TBX4: variants seen among roughly 807,000 people sequenced by gnomAD.
TBX4 encodes T-box transcription factor TBX4.
Under a neutral mutation model 54.6 loss-of-function variants are expected in TBX4, and 13 were observed. That is an observed-to-expected ratio of 0.24 (90% CI 0.15 to 0.38). The LOEUF (loss-of-function observed/expected upper bound fraction) is 0.38, where lower values mean the gene tolerates loss of function less well. Ranked by LOEUF, TBX4 falls within the 10% of genes least tolerant of loss-of-function variation. TBX4 has a pLI of 1.00. For synonymous variants in TBX4, 314 were observed against 306.7 expected, an observed-to-expected ratio of 1.02 and a Z score of -0.25; for missense variants, 631 against 728.5, an observed-to-expected ratio of 0.87 and a Z score of 1.54.
Position 61,457,188 on chromosome 17 carries a change from G to A in TBX4, c.187-349G>A. Among the ~76,000 whole-genome samples, 1 of 152,148 alleles carries A rather than the reference G, an allele frequency of 6.6e-6. No homozygotes were observed. The highest frequency in any genetic ancestry group is 1.9e-4 in the East Asian group (1 of 5,144). ...ATCTGCAGGCGCGCGCCTGGCCGAG[G>A]GTGCGTGCGCCTCTCCCTGTCTGTG... On this transcript the variant is annotated intron_variant, in intron 2 of 8. Coordinates refer to ENST00000644296, the MANE Select transcript of TBX4 (RefSeq NM_001321120.2). This position sits in a 1 kb window ranked among gnomAD's most constrained non-coding sequence, Gnocchi z 8.2.
chr17:61,470,410 A>G (rs2060568483), intron 5 of TBX4, among the ~76,000 whole-genome samples: 1 of 152,192 alleles, frequency 6.6e-6, no homozygotes, highest in Admixed American at 6.5e-5. Flanking sequence ...CTTAGATTGA[A>G]GTCTTGGGCC....
In TBX4 at chr17:61,480,082, C is replaced by A. The variant is rs369558337; in HGVS notation, c.792-8C>A. ...CTGTCTCTCCTCCTGTCCTCCCCAC[C>A]CCTTCAGCAAAGAATACCCCGTGAT... On this transcript the variant is annotated splice_region_variant and splice_polypyrimidine_tract_variant and intron_variant, in intron 7 of 8. Transcript: ENST00000644296. This position sits in a 1 kb window ranked among gnomAD's most constrained non-coding sequence, Gnocchi z 6.2. 325 of 1,613,572 alleles carry A rather than the reference C, an allele frequency of 2.0e-4. 2 individuals carry two copies. The Middle Eastern group carries it at 0.01, about 51-fold the overall frequency.
At chr17:61,468,332 A>G (rs913667470) in intron 5 of TBX4, among the ~76,000 whole-genome samples, 1 of 152,206 alleles carries the variant, frequency 6.6e-6, no homozygotes, top group African/African-American at 2.4e-5. Flanking sequence ...AAAGTCCACA[A>G]AAAAGAGATT....
rs1397854314 is a variant in TBX4 at position 61,474,291 on chromosome 17, C to T, written c.550-4336C>T. 6.6e-6 allele frequency among the ~76,000 whole-genome samples: 1 copy of T among 152,162 alleles called. No homozygotes were observed. Among genetic ancestry groups the T allele is most frequent in the African/African-American group, 2.4e-5 (1 of 41,448 alleles). ...AGGGCCTGCTGACCCAAGTCCCTTA[C>T]AGTGTTTAATTGGCACCTTCTCATT... On this transcript the variant is annotated intron_variant, in intron 5 of 8. Transcript: ENST00000644296. This position sits in a 1 kb window ranked among gnomAD's most constrained non-coding sequence, Gnocchi z 4.6.
At chr17:61,470,635 G>A (rs982759405) in intron 5 of TBX4, among the ~76,000 whole-genome samples, 2 of 152,232 alleles carry the variant, frequency 1.3e-5, no homozygotes, top group African/African-American at 4.8e-5. Flanking sequence ...TCAGACCTGG[G>A]CGTCAGCTCC....
chr17:61,463,617 C>A (rs1467581627), intron 3 of TBX4, among the ~76,000 whole-genome samples: 1 of 152,086 alleles, frequency 6.6e-6, no homozygotes, highest in East Asian at 1.9e-4. Context: ...TCAGCCTAGG[C>A]TATGACGCGT....
At position 61,473,728 on chromosome 17, in the gene TBX4, C is replaced by G. The variant is rs140301163; in HGVS notation, c.550-4899C>G. Among the ~76,000 whole-genome samples, 470 of 152,348 alleles carry G rather than the reference C, an allele frequency of 3.1e-3. 4 individuals carry two copies. The highest frequency in any genetic ancestry group is 0.01 in the African/African-American group (431 of 41,582). The stretch of plus-strand genomic sequence containing the variant: ...TGCCTGCACCTCCCTGACCCTCAGT[C>G]CCTTGCCTGTTAAAATAAGGGCAAT... On this transcript the variant is annotated intron_variant, in intron 5 of 8. Coordinates refer to ENST00000644296, the MANE Select transcript of TBX4 (RefSeq NM_001321120.2).
rs1490717313 is a variant in TBX4 at position 61,452,932 on chromosome 17, A to C, written c.-4+355A>C. On this transcript the variant is annotated intron_variant, in intron 1 of 8. Coordinates refer to ENST00000644296, the MANE Select transcript of TBX4 (RefSeq NM_001321120.2). ...TGGCCTGGAAATTGGTGTTTGCAGA[A>C]TATGCAAGGCCAAGGAAGAGGGCCC... 4 of 985,338 alleles carry C rather than the reference A, an allele frequency of 4.1e-6. No individual in the cohort carries two copies. The African/African-American group carries it at 7.0e-5, about 17-fold the overall frequency. The allele number at this position is 985,338 out of a possible 1,614,324, so 61.0% of individuals were successfully genotyped here.
Position 61,461,744 on chromosome 17 carries a change from T to C in TBX4, c.282-4075T>C, listed in dbSNP as rs527356602. Among the ~76,000 whole-genome samples, 48 of 152,248 alleles carry C rather than the reference T, an allele frequency of 3.2e-4. No homozygotes were observed. The highest frequency in any genetic ancestry group is 1.0e-3 in the African/African-American group (43 of 41,544). ...CCACCGCCCCAGAATCCTTCTTGTG[T>C]GCCTGCCCAGTCAGAGCCATCCCCA... On this transcript the variant is annotated intron_variant, in intron 3 of 8. Transcript: ENST00000644296. This position sits in a 1 kb window ranked among gnomAD's most constrained non-coding sequence, Gnocchi z 5.1.
Position 61,479,205 on chromosome 17 carries a change from G to A in TBX4, c.702+426G>A, listed in dbSNP as rs1189862811. 6.6e-6 allele frequency among the ~76,000 whole-genome samples: 1 copy of A among 152,136 alleles called. No homozygotes were observed. The highest frequency in any genetic ancestry group is 2.4e-5 in the African/African-American group (1 of 41,426). On this transcript the variant is annotated intron_variant, in intron 6 of 8. Transcript: ENST00000644296. This position sits in a 1 kb window ranked among gnomAD's most constrained non-coding sequence, Gnocchi z 6.1. ...GCTGGGGTGTGGAAGCAGAGCCTGAGCGGAGGCCCTTCCCAGGCTGTGATA... is the reference window on the plus strand; with the variant it reads ...GCTGGGGTGTGGAAGCAGAGCCTGAACGGAGGCCCTTCCCAGGCTGTGATA...
At position 61,483,866 on chromosome 17, in the gene TBX4, A is replaced by C; in HGVS notation, c.*350A>C. Reference sequence around the variant, plus strand: ...GAGAGGGTTTTATAATGGTTGATTTACTCAGGGGCCAGGTGGGGAGTTCTC... The same window carrying C: ...GAGAGGGTTTTATAATGGTTGATTTCCTCAGGGGCCAGGTGGGGAGTTCTC... On this transcript the variant is annotated 3_prime_UTR_variant, in exon 9 of 9. Coordinates refer to ENST00000644296, the MANE Select transcript of TBX4 (RefSeq NM_001321120.2). The surrounding 1 kb of genome is among the most constrained non-coding windows in gnomAD (Gnocchi z 6.6). 3.4e-6 allele frequency: 1 copy of C among 290,698 alleles called. No homozygotes were observed. The highest frequency in any genetic ancestry group is 6.7e-6 in the Non-Finnish European group (1 of 149,272). The allele number at this position is 290,698 out of a possible 1,614,324, so 18.0% of individuals were successfully genotyped here.
At chr17:61,469,449 G>A (rs1043731630) in intron 5 of TBX4, among the ~76,000 whole-genome samples, 1 of 152,218 alleles carries the variant, frequency 6.6e-6, no homozygotes, top group Non-Finnish European at 1.5e-5. Flanking sequence ...TTGATGATAG[G>A]GATACTACCC....
At chr17:61,463,425 TG>T (rs1371750935) in intron 3 of TBX4, 1 of 152,300 alleles carries the variant, frequency 6.6e-6, no homozygotes, top group East Asian at 1.9e-4. Context: ...GTCAGGAATC[TG>T]GCCTACGATC....
In TBX4 at chr17:61,460,754, C is replaced by A. The variant is rs981409236; in HGVS notation, c.281+3123C>A. ...CACAAAAAAATTTAAATATAAACCT[C>A]CCCAAAATGAAAATTGCCTAACTGT... On this transcript the variant is annotated intron_variant, in intron 3 of 8. Transcript: ENST00000644296. The surrounding 1 kb of genome is among the most constrained non-coding windows in gnomAD (Gnocchi z 4.4). Among the ~76,000 whole-genome samples, 7 of 152,198 alleles carry A rather than the reference C, an allele frequency of 4.6e-5. No homozygotes were observed. Among genetic ancestry groups the A allele is most frequent in the Admixed American group, 4.6e-4 (7 of 15,278 alleles).
intron 4 of TBX4, among the ~76,000 whole-genome samples, chr17:61,466,751 C>A (rs769694169): frequency 1.3e-5 from 2 of 152,210 alleles, no homozygotes; most frequent in African/African-American, 2.4e-5. Context: ...GCTCTGGCTG[C>A]GGGGAGAGCT....
chr17:61,463,095 G>C (rs1198439104), intron 3 of TBX4: 1 of 152,194 alleles, frequency 6.6e-6, no homozygotes, highest in East Asian at 1.9e-4. Context: ...CCTCCTTCTG[G>C]AGCCACCTAG....
At position 61,456,646 on chromosome 17, in the gene TBX4, C is replaced by T. The variant is rs752496226; in HGVS notation, c.156C>T (p.Ala52=). 7.4e-7 allele frequency: 1 copy of T among 1,350,258 alleles called. No homozygotes were observed. Among genetic ancestry groups the T allele is most frequent in the Non-Finnish European group, 9.5e-7 (1 of 1,049,394 alleles). The allele number at this position is 1,350,258 out of a possible 1,614,324, so 83.6% of individuals were successfully genotyped here. The change falls in exon 2 of 9, where the codon GCC becomes GCT. Residue 52 remains alanine, a synonymous_variant. Coordinates refer to ENST00000644296, the MANE Select transcript of TBX4 (RefSeq NM_001321120.2). The part of the protein sequence containing the change: ...AALGSPPGPG[A]DVVAAAAAEQ... ...TAGGCAGCCCCCCGGGACCCGGGGC[C>T]GACGTCGTCGCCGCCGCCGCCGCGG...
At position 61,475,348 on chromosome 17, in the gene TBX4, T is replaced by C. The variant is rs1051684111; in HGVS notation, c.550-3279T>C. ...TACTGGCAGCAGTGGTAGGAGGGGA[T>C]GTGGGGGAAAGAGGAGGAAATACAA... On this transcript the variant is annotated intron_variant, in intron 5 of 8. Transcript: ENST00000644296. The surrounding 1 kb of genome is among the most constrained non-coding windows in gnomAD (Gnocchi z 5.0). 6.6e-6 allele frequency among the ~76,000 whole-genome samples: 1 copy of C among 152,032 alleles called. No individual in the cohort carries two copies. Among genetic ancestry groups the C allele is most frequent in the African/African-American group, 2.4e-5 (1 of 41,382 alleles).
At position 61,465,428 on chromosome 17, in the gene TBX4, A is replaced by G. The variant is rs945592401; in HGVS notation, c.282-391A>G. Among the ~76,000 whole-genome samples the G allele has an allele frequency of 3.3e-5, 5 of 152,168 alleles. No individual in the cohort carries two copies. Among genetic ancestry groups the G allele is most frequent in the African/African-American group, 1.2e-4 (5 of 41,424 alleles). On this transcript the variant is annotated intron_variant, in intron 3 of 8. Coordinates refer to ENST00000644296, the MANE Select transcript of TBX4 (RefSeq NM_001321120.2). The surrounding 1 kb of genome is among the most constrained non-coding windows in gnomAD (Gnocchi z 4.9). Reference sequence around the variant, plus strand: ...TGTGTGTGGGCTGGCAAAGGACAGGAGGGAAATTAAGGCAGCAAGGTTGGC... The same window carrying G: ...TGTGTGTGGGCTGGCAAAGGACAGGGGGGAAATTAAGGCAGCAAGGTTGGC...
Sources: allele counts gnomAD v4.1 joint callset (sites outside exome capture counted in the v4.1 genomes callset), GRCh38; gene constraint gnomAD v4.1.1; non-coding constraint Gnocchi (gnomAD v3.1); transcripts MANE v1.5; gene names NCBI Gene and HGNC (gene_info 2026-07-23, HGNC 2026-07-21).